ST6GALNAC3: variants seen among roughly 807,000 people sequenced by gnomAD.
ST6GALNAC3 encodes ST6 N-acetylgalactosaminide alpha-2,6-sialyltransferase 3, also known as alpha-N-acetylgalactosaminide alpha-2,6-sialyltransferase 3.
Under a neutral mutation model 32.7 loss-of-function variants are expected in ST6GALNAC3, and 25 were observed. The ratio of observed to expected loss-of-function variants is 0.76; its 90% CI spans 0.56 to 1.07. The LOEUF is 1.07. Ranked by LOEUF, ST6GALNAC3 falls within the 50% of genes least tolerant of loss-of-function variation. ST6GALNAC3 has a pLI of 0.00. For missense variants in ST6GALNAC3, 355 were observed against 382.4 expected (o/e 0.93, Z 0.60); for synonymous variants, 129 against 133.1 (o/e 0.97, Z 0.21).
chr1:76,575,182 T>C (rs1646780961), intron 3 of ST6GALNAC3, among the ~76,000 whole-genome samples: 1 of 152,120 alleles, frequency 6.6e-6, no homozygotes, highest in Non-Finnish European at 1.5e-5. Context: ...AAATCCATTT[T>C]AATCATCAAT....
intron 3 of ST6GALNAC3, among the ~76,000 whole-genome samples, chr1:76,460,145 G>T (rs1274927937): frequency 2.0e-5 from 3 of 151,984 alleles, no homozygotes; most frequent in Non-Finnish European, 2.9e-5. Flanking sequence ...GCCAACCCTT[G>T]TTATTTTTCA....
At chr1:76,625,937 T>C (rs1468977206) in intron 3 of ST6GALNAC3, among the ~76,000 whole-genome samples, 2 of 151,908 alleles carry the variant, frequency 1.3e-5, no homozygotes, top group African/African-American at 4.8e-5. Flanking sequence ...AGAGAGGATG[T>C]ATATGGGCTG....
chr1:76,635,857 C>T (rs1649492530), downstream of ST6GALNAC3, among the ~76,000 whole-genome samples: 1 of 152,134 alleles, frequency 6.6e-6, no homozygotes, highest in South Asian at 2.1e-4. Context: ...TGATGTATAT[C>T]ACTCCACCCA....
chr1:76,592,933 A>C (rs1418543101), intron 3 of ST6GALNAC3, among the ~76,000 whole-genome samples: 1 of 152,182 alleles, frequency 6.6e-6, no homozygotes, highest in East Asian at 1.9e-4. Flanking sequence ...ATTTTATACA[A>C]ATCCACTTTT....
At chr1:76,131,575 G>A (rs1649613166) in intron 1 of ST6GALNAC3, among the ~76,000 whole-genome samples, 1 of 152,168 alleles carries the variant, frequency 6.6e-6, no homozygotes, top group Admixed American at 6.5e-5. Context: ...AGCACTCAGG[G>A]GCCAAGGCAT....
chr1:76,420,520 T>G (rs1654958644), intron 3 of ST6GALNAC3, among the ~76,000 whole-genome samples: 1 of 152,072 alleles, frequency 6.6e-6, no homozygotes, highest in African/African-American at 2.4e-5. Context: ...ATCTCCATTT[T>G]ATTCTCAGAT....
At chr1:76,210,188 C>T (rs778809896) in intron 1 of ST6GALNAC3, among the ~76,000 whole-genome samples, 4 of 152,136 alleles carry the variant, frequency 2.6e-5, no homozygotes, top group Admixed American at 6.5e-5. Flanking sequence ...AGGTTTTAAG[C>T]CCCACATGCA....
In ST6GALNAC3 at chr1:76,436,111, AC is replaced by A. The variant is rs371637339; in HGVS notation, c.623+23696del. On this transcript the variant is annotated intron_variant, in intron 3 of 4. Coordinates refer to ENST00000328299, the MANE Select transcript of ST6GALNAC3 (RefSeq NM_152996.4). Reference sequence around the variant, plus strand: ...AATCACTTTTTTTCATTTTTAAAACACCTTTGAATAAAATTTGTAATCCAAT... The same window carrying A: ...AATCACTTTTTTTCATTTTTAAAACACTTTGAATAAAATTTGTAATCCAAT... 6.6e-4 allele frequency among the ~76,000 whole-genome samples: 101 copies of A among 152,196 alleles called. 4 individuals are homozygous for A. The East Asian group carries it at 0.018, about 27-fold the overall frequency.
intron 1 of ST6GALNAC3, among the ~76,000 whole-genome samples, chr1:76,121,244 A>G (rs1648851985): frequency 6.6e-6 from 1 of 152,158 alleles, no homozygotes; most frequent in Non-Finnish European, 1.5e-5. Context: ...GCTTACTACA[A>G]GGGATCACCC....
At chr1:76,159,672 C>G (rs149222482) in intron 1 of ST6GALNAC3, among the ~76,000 whole-genome samples, 165 of 152,302 alleles carry the variant, frequency 1.1e-3, no homozygotes, top group African/African-American at 3.7e-3. Flanking sequence ...AAGGTCTGCC[C>G]TTTAAAAGCT....
chr1:76,330,037 G>A (rs1269228983), intron 2 of ST6GALNAC3, among the ~76,000 whole-genome samples: 1 of 151,894 alleles, frequency 6.6e-6, no homozygotes, highest in African/African-American at 2.4e-5. Context: ...TCAAACTCCT[G>A]ACCTCAGTTG....
chr1:76,443,125 ACTT>A (rs1182696564), intron 3 of ST6GALNAC3, among the ~76,000 whole-genome samples: 4 of 151,924 alleles, frequency 2.6e-5, no homozygotes, highest in Non-Finnish European at 5.9e-5. Flanking sequence ...TTAGTGATAG[ACTT>A]CTTCTTCTGT....
At chr1:76,375,581 A>G (rs1651157442) in intron 2 of ST6GALNAC3, among the ~76,000 whole-genome samples, 2 of 152,150 alleles carry the variant, frequency 1.3e-5, no homozygotes, top group Admixed American at 6.6e-5. Context: ...GCGTGAAGTG[A>G]CTAGAAGCCC....
At chr1:76,517,313 A>G (rs1662232380) in intron 3 of ST6GALNAC3, among the ~76,000 whole-genome samples, 2 of 151,668 alleles carry the variant, frequency 1.3e-5, no homozygotes, top group African/African-American at 4.8e-5. Flanking sequence ...TGGTACCTCT[A>G]TGTTTATGTG....
intron 1 of ST6GALNAC3, among the ~76,000 whole-genome samples, chr1:76,148,268 TC>T (rs1414009447): frequency 1.3e-5 from 2 of 152,330 alleles, no homozygotes; most frequent in East Asian, 3.9e-4. Context: ...AGTTTCTTTT[TC>T]CCTAAAAGGC....
intron 3 of ST6GALNAC3, among the ~76,000 whole-genome samples, chr1:76,538,962 AT>A (rs1374770963): frequency 1.3e-5 from 2 of 152,236 alleles, no homozygotes; most frequent in Admixed American, 6.5e-5. Flanking sequence ...TATAGATTCA[AT>A]GCTATTCCCA....
chr1:76,179,262 A>G (rs1478956340), intron 1 of ST6GALNAC3, among the ~76,000 whole-genome samples: 1 of 152,152 alleles, frequency 6.6e-6, no homozygotes, highest in African/African-American at 2.4e-5. Flanking sequence ...TTTAAATCTG[A>G]TAGATTTTTT....
intron 2 of ST6GALNAC3, among the ~76,000 whole-genome samples, chr1:76,361,949 G>T (rs1297463310): frequency 6.7e-6 from 1 of 149,832 alleles, no homozygotes; most frequent in Non-Finnish European, 1.5e-5. Flanking sequence ...CTGCACTCCA[G>T]CCTGGGCAAC....
chr1:76,160,665 T>G (rs550983410), intron 1 of ST6GALNAC3, among the ~76,000 whole-genome samples: 68 of 152,282 alleles, frequency 4.5e-4, no homozygotes, highest in Non-Finnish European at 8.8e-4. Context: ...TGCACCAGAA[T>G]ATAAATCAAT....
Sources: gnomAD v4.1 joint callset for allele counts (sites outside exome capture counted in the v4.1 genomes callset) on GRCh38, gnomAD v4.1.1 for gene constraint, MANE v1.5 for transcripts, NCBI Gene and HGNC (gene_info 2026-07-23, HGNC 2026-07-21) for gene names.